Variants in LAMA2 observed in about 807,000 individuals in gnomAD.
LAMA2 encodes the protein laminin subunit alpha 2.
LAMA2 carries 269 observed loss-of-function variants against 364.8 expected under a neutral mutation model. The ratio of observed to expected loss-of-function variants is 0.74; its 90% CI spans 0.67 to 0.82. The LOEUF (loss-of-function observed/expected upper bound fraction) is 0.82. LAMA2 is among the 40% of genes least tolerant of loss of function. The pLI, the probability that LAMA2 is intolerant of heterozygous loss-of-function variation, is 0.00. For missense variants in LAMA2, 3,807 were observed against 3,873.2 expected (o/e 0.98, Z 0.45); for synonymous variants, 1,379 against 1,370.6 (o/e 1.01, Z -0.14).
intron 1 of LAMA2, among the ~76,000 whole-genome samples, chr6:128,892,049 G>A (rs1262224295): frequency 6.6e-6 from 1 of 152,014 alleles, no homozygotes; most frequent in African/African-American, 2.4e-5. Flanking sequence ...ATACTTGCCA[G>A]CTAATCAGTA....
intron 37 of LAMA2, among the ~76,000 whole-genome samples, chr6:129,399,280 T>G (rs1486666855): frequency 6.6e-6 from 1 of 152,226 alleles, no homozygotes; most frequent in African/African-American, 2.4e-5. Flanking sequence ...ATTACAGTGT[T>G]ACTGGGTGCC....
At chr6:129,114,372 G>A (rs1160417455) in intron 4 of LAMA2, among the ~76,000 whole-genome samples, 1 of 151,978 alleles carries the variant, frequency 6.6e-6, no homozygotes, top group Non-Finnish European at 1.5e-5. Context: ...GAGTAAACAA[G>A]TCATCTTATT....
intron 12 of LAMA2, among the ~76,000 whole-genome samples, chr6:129,194,653 C>T (rs1244835275): frequency 7.9e-5 from 12 of 152,186 alleles, no homozygotes; most frequent in South Asian, 4.2e-4. Flanking sequence ...TGTTTGAATA[C>T]GGAGGACATT....
intron 19 of LAMA2, among the ~76,000 whole-genome samples, chr6:129,288,554 A>C (rs562787448): frequency 1.3e-5 from 2 of 152,312 alleles, no homozygotes; most frequent in African/African-American, 2.4e-5. Flanking sequence ...TTTCGCACAC[A>C]GGCATTTGTC....
intron 10 of LAMA2, among the ~76,000 whole-genome samples, chr6:129,181,135 C>T (rs1780901635): frequency 6.6e-6 from 1 of 152,076 alleles, no homozygotes; most frequent in Non-Finnish European, 1.5e-5. Flanking sequence ...GAATGGGATA[C>T]ATTTTTATTC....
chr6:128,943,057 AT>A (rs1475437062), intron 1 of LAMA2, among the ~76,000 whole-genome samples: 1 of 152,104 alleles, frequency 6.6e-6, no homozygotes, highest in African/African-American at 2.4e-5. Flanking sequence ...GCTATAAGCT[AT>A]TTTTTAAGAC....
At chr6:129,363,868 A>C (rs532841632) in intron 32 of LAMA2, among the ~76,000 whole-genome samples, 2 of 152,300 alleles carry the variant, frequency 1.3e-5, no homozygotes, top group African/African-American at 4.8e-5. Context: ...TGTTTTCTCT[A>C]ATTGTTTAAT....
intron 40 of LAMA2, among the ~76,000 whole-genome samples, chr6:129,413,629 CA>C (rs1655598075): frequency 6.6e-6 from 1 of 151,994 alleles, no homozygotes; most frequent in African/African-American, 2.4e-5. Flanking sequence ...AAACAATTGA[CA>C]AAAAGTTTTA....
chr6:129,329,256 ATCC>A (rs1237822516), intron 29 of LAMA2, among the ~76,000 whole-genome samples: 1 of 152,138 alleles, frequency 6.6e-6, no homozygotes, highest in African/African-American at 2.4e-5. Context: ...ACCCCGCAGA[ATCC>A]TCCTCTTCCC....
In LAMA2 at chr6:128,903,696, T is replaced by G. The variant is rs539013566; in HGVS notation, c.112+20339T>G. 2.0e-5 allele frequency among the ~76,000 whole-genome samples: 3 copies of G among 152,194 alleles called. No homozygotes were observed. The South Asian group carries it at 6.2e-4, about 31-fold the overall frequency. Reference sequence around the variant, plus strand: ...TTATTCCCTTGTAGGAAATTAAGTATTTTATATAATAATGCTTAGAACATC... The same window carrying G: ...TTATTCCCTTGTAGGAAATTAAGTAGTTTATATAATAATGCTTAGAACATC... On this transcript the variant is annotated intron_variant, in intron 1 of 64. Transcript: ENST00000421865.
At chr6:129,160,689 T>C (rs1035701412) in intron 8 of LAMA2, among the ~76,000 whole-genome samples, 4 of 151,964 alleles carry the variant, frequency 2.6e-5, no homozygotes, top group African/African-American at 7.2e-5. Flanking sequence ...TTTTATCATA[T>C]AAACTTTTAA....
At chr6:129,228,461 T>C (rs1237746132) in intron 12 of LAMA2, among the ~76,000 whole-genome samples, 1 of 152,066 alleles carries the variant, frequency 6.6e-6, no homozygotes, top group African/African-American at 2.4e-5. Context: ...CCTATTCCAA[T>C]TATACTGGTT....
Position 129,462,856 on chromosome 6 carries a change from G to C in LAMA2, c.6993-1434G>C, listed in dbSNP as rs139022822. 1.5e-4 allele frequency among the ~76,000 whole-genome samples: 23 copies of C among 152,064 alleles called. No individual in the cohort carries two copies. The East Asian group carries it at 4.5e-3, about 30-fold the overall frequency. On this transcript the variant is annotated intron_variant, in intron 49 of 64. Transcript: ENST00000421865. ...GCAGGAGTGATTTCATGGAGAAGAT[G>C]TAAAAGTGAGGCTAAAAGAGGTAGA...
chr6:129,286,078 T>A (rs1437542592), intron 18 of LAMA2, among the ~76,000 whole-genome samples: 2 of 152,136 alleles, frequency 1.3e-5, no homozygotes, highest in East Asian at 3.9e-4. Context: ...CTCAATATAA[T>A]GTACTGGATT....
intron 1 of LAMA2, among the ~76,000 whole-genome samples, chr6:128,948,553 G>A (rs1425081832): frequency 6.6e-6 from 1 of 152,104 alleles, no homozygotes; most frequent in East Asian, 1.9e-4. Flanking sequence ...TGTGAAATTA[G>A]GACATTTGGG....
chr6:129,047,530 G>A (rs1364677632), intron 1 of LAMA2, among the ~76,000 whole-genome samples: 1 of 152,140 alleles, frequency 6.6e-6, no homozygotes, highest in Non-Finnish European at 1.5e-5. Context: ...TCACTATTTT[G>A]GAGGAACAGG....
chr6:129,056,064 C>T (rs1459551439), intron 2 of LAMA2, among the ~76,000 whole-genome samples: 1 of 152,184 alleles, frequency 6.6e-6, no homozygotes, highest in Non-Finnish European at 1.5e-5. Context: ...GACAACTTCT[C>T]TCACAATTAC....
chr6:129,198,310 C>G (rs1781969875), intron 12 of LAMA2, among the ~76,000 whole-genome samples: 1 of 151,694 alleles, frequency 6.6e-6, no homozygotes, highest in African/African-American at 2.4e-5. Context: ...TATACATGAC[C>G]CAAGTCATCA....
chr6:129,162,884 G>C (rs544069685), intron 8 of LAMA2, among the ~76,000 whole-genome samples: 2 of 151,536 alleles, frequency 1.3e-5, no homozygotes, highest in Non-Finnish European at 2.9e-5. Context: ...AGAATGAAGA[G>C]AACTAGGAGG....
Sources: gnomAD v4.1 joint callset for allele counts (sites outside exome capture counted in the v4.1 genomes callset) on GRCh38, gnomAD v4.1.1 for gene constraint, MANE v1.5 for transcripts, NCBI Gene and HGNC (gene_info 2026-07-23, HGNC 2026-07-21) for gene names.